Variants in ZFYVE28 observed in about 807,000 individuals in gnomAD.
ZFYVE28 encodes zinc finger FYVE-type containing 28.
Under a neutral mutation model 82.1 loss-of-function variants are expected in ZFYVE28, and 40 were observed. The ratio of observed to expected loss-of-function variants is 0.49; its 90% CI spans 0.38 to 0.63. The LOEUF is 0.63. Ranked by LOEUF, ZFYVE28 falls within the 30% of genes least tolerant of loss-of-function variation. The probability of loss-of-function intolerance (pLI) is 0.00; values close to 1 mark genes in which losing one functional copy is unlikely to be tolerated. For synonymous variants in ZFYVE28, 612 were observed against 546.1 expected, an observed-to-expected ratio of 1.12 and a Z score of -1.68; for missense variants, 1,321 against 1,242.1, an observed-to-expected ratio of 1.06 and a Z score of -0.96.
At chr4:2,353,622 G>A (rs1364594685) in intron 2 of ZFYVE28, among the ~76,000 whole-genome samples, 1 of 152,080 alleles carries the variant, frequency 6.6e-6, no homozygotes, top group African/African-American at 2.4e-5. Context: ...ACCAGCACCT[G>A]GGCAGGCCCA....
At chr4:2,312,726 CA>C (rs1170479977) in intron 7 of ZFYVE28, among the ~76,000 whole-genome samples, 9,580 of 65,048 alleles carry the variant, frequency 0.15, 257 homozygotes, top group Non-Finnish European at 0.18. Flanking sequence ...GACTCTGCCT[CA>C]AAAAAAAAAA....
chr4:2,406,749 T>TA (rs1731968439), intron 1 of ZFYVE28: 1 of 152,292 alleles, frequency 6.6e-6, no homozygotes, highest in African/African-American at 2.4e-5. Context: ...ATGCCTGACT[T>TA]ACGTGCAATT....
rs1284485543 is a variant in ZFYVE28, at chr4:2,335,579, C to G, written c.701+126G>C. On this transcript the variant is annotated intron_variant, in intron 6 of 12. Coordinates refer to ENST00000290974, the MANE Select transcript of ZFYVE28 (RefSeq NM_020972.3). The surrounding 1 kb of genome is among the most constrained non-coding windows in gnomAD (Gnocchi z 5.8). ...GACAGCAGGCCTGCCTGTCACTGATCGGGACAGCTGAGCGGCCACCGTGAG... is the reference window on the plus strand; with the variant it reads ...GACAGCAGGCCTGCCTGTCACTGATGGGGACAGCTGAGCGGCCACCGTGAG... The G allele has an allele frequency of 1.2e-6, 1 of 847,574 alleles. No individual in the cohort carries two copies. The highest frequency in any genetic ancestry group is 1.7e-5 in the African/African-American group (1 of 59,932). 52.5% of individuals were successfully genotyped at this position (847,574 alleles called of 1,614,324 possible). A position where few individuals can be genotyped will look rare whatever the true frequency, so the allele number is the denominator to read the frequency against.
chr4:2,357,672 A>T (rs1725533679), intron 1 of ZFYVE28, among the ~76,000 whole-genome samples: 1 of 152,126 alleles, frequency 6.6e-6, no homozygotes, highest in Non-Finnish European at 1.5e-5. Flanking sequence ...GTCCCTCTCC[A>T]CGTGTGTCCC....
chr4:2,388,226 C>T (rs1560322377), intron 1 of ZFYVE28, among the ~76,000 whole-genome samples: 1 of 152,178 alleles, frequency 6.6e-6, no homozygotes, highest in Non-Finnish European at 1.5e-5. Context: ...TAAAAACTGG[C>T]AATCACGACC....
intron 7 of ZFYVE28, among the ~76,000 whole-genome samples, chr4:2,308,125 C>T (rs747211798): frequency 1.3e-5 from 2 of 152,058 alleles, no homozygotes; most frequent in Non-Finnish European, 2.9e-5. Flanking sequence ...TCTTCTTCTT[C>T]TTCTTCTTCT....
chr4:2,305,541 G>A lies in ZFYVE28; in HGVS notation c.804-5C>T, dbSNP rs79848890. On this transcript the variant is annotated splice_region_variant and splice_polypyrimidine_tract_variant and intron_variant, in intron 7 of 12. Transcript: ENST00000290974. ...GTCAGCGTCTGCAGCAAATCCCTAC[G>A]AATCAAGACAAAACCCAAGGGTGAG... The A allele has an allele frequency of 1.0e-4, 169 of 1,612,872 alleles. 1 individual carries two copies. In the East Asian group the frequency reaches 1.5e-3, roughly 14 times the overall value.
chr4:2,272,848 C>T (rs1425010542), intron 10 of ZFYVE28, among the ~76,000 whole-genome samples: 1 of 152,258 alleles, frequency 6.6e-6, no homozygotes, highest in Non-Finnish European at 1.5e-5. Flanking sequence ...TGCTGCTGCA[C>T]ATGCAGGGGA....
intron 6 of ZFYVE28, chr4:2,328,852 G>C (rs1336508646): frequency 2.9e-6 from 1 of 345,094 alleles, no homozygotes; most frequent in Non-Finnish European, 5.2e-6. Flanking sequence ...TGGTTATCCA[G>C]TTGCTCCAGG....
At chr4:2,361,493 G>C (rs1403107145) in intron 1 of ZFYVE28, among the ~76,000 whole-genome samples, 5 of 152,138 alleles carry the variant, frequency 3.3e-5, no homozygotes, top group Admixed American at 6.5e-5. Flanking sequence ...GCAGTTACGA[G>C]GGCTGGCCAC....
At chr4:2,288,886 A>C (rs1713172197) in intron 8 of ZFYVE28, among the ~76,000 whole-genome samples, 1 of 152,082 alleles carries the variant, frequency 6.6e-6, no homozygotes, top group Non-Finnish European at 1.5e-5. Context: ...GGATCACTTG[A>C]GCCCAGGAAT....
At chr4:2,289,149 G>A (rs1713208323) in intron 8 of ZFYVE28, among the ~76,000 whole-genome samples, 1 of 152,196 alleles carries the variant, frequency 6.6e-6, no homozygotes. Flanking sequence ...TGTGGGGGTG[G>A]CAAGTGCCCG....
intron 1 of ZFYVE28, among the ~76,000 whole-genome samples, chr4:2,355,242 ATATATATATATATATATATATATATAT>A (rs1725104264): frequency 8.4e-5 from 2 of 23,948 alleles, no homozygotes; most frequent in African/African-American, 3.8e-4. Context: ...ATATATATAT[ATATATATATATATATATATATATATAT>A]ATAATGATTC....
At chr4:2,348,370 C>T (rs1219180648) in intron 2 of ZFYVE28, among the ~76,000 whole-genome samples, 2 of 152,086 alleles carry the variant, frequency 1.3e-5, no homozygotes, top group African/African-American at 2.4e-5. Context: ...TGAATTCTAC[C>T]AAACATTTAA....
In ZFYVE28 at chr4:2,385,776, T is replaced by C. The variant is rs1479937271; in HGVS notation, c.40-31703A>G. Among the ~76,000 whole-genome samples, 7 of 152,030 alleles carry C rather than the reference T, an allele frequency of 4.6e-5. No homozygotes were observed. The South Asian group carries it at 1.2e-3, about 27-fold the overall frequency. Reference sequence around the variant, plus strand: ...ACACCAGGCTTTCACAAGGCGGGACTTGACACCCTCTCACACCCCCACTCC... The same window carrying C: ...ACACCAGGCTTTCACAAGGCGGGACCTGACACCCTCTCACACCCCCACTCC... On this transcript the variant is annotated intron_variant, in intron 1 of 12. Transcript: ENST00000290974.
chr4:2,327,321 G>T (rs1720041230), intron 6 of ZFYVE28, among the ~76,000 whole-genome samples: 4 of 125,280 alleles, frequency 3.2e-5, no homozygotes, highest in African/African-American at 9.5e-5. Context: ...GAATAAAGTT[G>T]CCATCAAACA....
chr4:2,306,441 T>G (rs914647572), intron 7 of ZFYVE28, among the ~76,000 whole-genome samples: 1 of 152,312 alleles, frequency 6.6e-6, no homozygotes, highest in African/African-American at 2.4e-5. Flanking sequence ...GCACCCTGGC[T>G]CTCGCATGAC....
chr4:2,412,122 G>A (rs1359788085), intron 1 of ZFYVE28, among the ~76,000 whole-genome samples: 1 of 152,144 alleles, frequency 6.6e-6, no homozygotes. Context: ...GGATGCCTGA[G>A]GCGTACTAAG....
intron 8 of ZFYVE28, among the ~76,000 whole-genome samples, chr4:2,301,143 C>A (rs979032162): frequency 6.6e-6 from 1 of 152,158 alleles, no homozygotes; most frequent in Non-Finnish European, 1.5e-5. Context: ...CTATCACCCC[C>A]GTATTGGTGT....
Sources: allele counts gnomAD v4.1 joint callset (sites outside exome capture counted in the v4.1 genomes callset), GRCh38; gene constraint gnomAD v4.1.1; non-coding constraint Gnocchi (gnomAD v3.1); transcripts MANE v1.5; gene names NCBI Gene and HGNC (gene_info 2026-07-23, HGNC 2026-07-21).